Variants in RAB22A observed in about 807,000 individuals in gnomAD.
The protein encoded by RAB22A is ras-related protein Rab-22A.
A neutral mutation model predicts 30.2 loss-of-function variants in RAB22A; 13 were observed. That is an observed-to-expected ratio of 0.43 (90% confidence interval 0.28 to 0.68). The LOEUF (loss-of-function observed/expected upper bound fraction) is 0.68. RAB22A is among the 30% of genes least tolerant of loss of function. The pLI is 0.18. For synonymous variants in RAB22A, 89 were observed against 87.2 expected, an observed-to-expected ratio of 1.02 and a Z score of -0.11; for missense variants, 177 against 246.8, an observed-to-expected ratio of 0.72 and a Z score of 1.89.
chr20:58,352,476 C>G (rs1987068550), intron 3 of RAB22A, among the ~76,000 whole-genome samples: 1 of 152,168 alleles, frequency 6.6e-6, no homozygotes, highest in South Asian at 2.1e-4. Context: ...GACATCATAT[C>G]CAGTTGGTGA....
At position 58,365,034 on chromosome 20, in the gene RAB22A, C is replaced by A. The variant is rs1987291437; in HGVS notation, c.*5331C>A. On this transcript the variant is annotated 3_prime_UTR_variant, in exon 7 of 7. Transcript: ENST00000244040. ...ACAGACGTGAGCCACCGCGCCCAAC[C>A]AGTAACGATTTTTTTAAAGGGCCTT... 6.6e-6 allele frequency: 1 copy of A among 152,176 alleles called. No individual in the cohort carries two copies. Among genetic ancestry groups the A allele is most frequent in the South Asian group, 2.1e-4 (1 of 4,826 alleles). 9.4% of individuals were successfully genotyped at this position (152,176 alleles called of 1,614,324 possible).
intron 6 of RAB22A, among the ~76,000 whole-genome samples, chr20:58,356,866 G>A (rs548022373): frequency 2.1e-4 from 32 of 152,252 alleles, no homozygotes; most frequent in Admixed American, 1.4e-3. Context: ...CGAGTTGTGC[G>A]GGTAAGGGGG....
At chr20:58,353,389 G>C in intron 4 of RAB22A, 43 bp from the exon 5 acceptor site, 1 of 1,608,208 alleles carries the variant, frequency 6.2e-7, no homozygotes, top group South Asian at 1.1e-5. Context: ...AAACTCTTTT[G>C]GTTGCTTAGA....
rs752786724 is a variant in RAB22A at position 58,359,628 on chromosome 20, C to T, written c.510C>T (p.Asp170=). 6.7e-5 allele frequency: 108 copies of T among 1,611,018 alleles called. No individual in the cohort carries two copies. In the South Asian group the frequency reaches 8.5e-4, roughly 13 times the overall value. The part of the protein sequence containing the change: ...IEISRRIPST[D]ANLPSGGKGF... ...TAGGTCGAAGAATTCCATCCACTGA[C>T]GCCAACCTGCCATCTGGCGGTAAGG... Residue 170 remains aspartate (D), a synonymous_variant, in exon 7 of 7, where the codon GAC becomes GAT. Transcript: ENST00000244040.
chr20:58,319,495 C>T (rs764068227), intron 2 of RAB22A, among the ~76,000 whole-genome samples: 4 of 152,176 alleles, frequency 2.6e-5, no homozygotes, highest in South Asian at 2.1e-4. Flanking sequence ...TAGTGTATGT[C>T]ATCTAATTCT....
At chr20:58,337,071 A>G (rs1986769522) in intron 2 of RAB22A, among the ~76,000 whole-genome samples, 1 of 152,144 alleles carries the variant, frequency 6.6e-6, no homozygotes. Flanking sequence ...TTCCTGATGC[A>G]TTTGTTTCCT....
At chr20:58,311,527 C>A (rs565027) in intron 2 of RAB22A, among the ~76,000 whole-genome samples, 2 of 152,092 alleles carry the variant, frequency 1.3e-5, no homozygotes, top group Admixed American at 6.5e-5. Flanking sequence ...GAGATCTGAA[C>A]CCTTACACAT....
At chr20:58,325,551 A>G (rs915236604) in intron 2 of RAB22A, among the ~76,000 whole-genome samples, 1 of 151,904 alleles carries the variant, frequency 6.6e-6, no homozygotes, top group Admixed American at 6.6e-5. Flanking sequence ...TTTCATCATC[A>G]TTCAGTTCAG....
chr20:58,341,477 G>A (rs1191735044), intron 2 of RAB22A, among the ~76,000 whole-genome samples: 1 of 152,088 alleles, frequency 6.6e-6, no homozygotes, highest in East Asian at 1.9e-4. Flanking sequence ...TGGTGGTGTG[G>A]GCAAGTGATG....
At chr20:58,331,944 A>G (rs1986668337) in intron 2 of RAB22A, among the ~76,000 whole-genome samples, 1 of 152,180 alleles carries the variant, frequency 6.6e-6, no homozygotes, top group South Asian at 2.1e-4. Context: ...ATCCCCAAGT[A>G]CCTTGTTCTG....
chr20:58,322,173 G>A (rs560763574), intron 2 of RAB22A, among the ~76,000 whole-genome samples: 80 of 152,132 alleles, frequency 5.3e-4, no homozygotes, highest in Non-Finnish European at 8.8e-4. Context: ...TAAGAGTGCC[G>A]TTCTGAATTC....
intron 2 of RAB22A, among the ~76,000 whole-genome samples, chr20:58,330,869 C>T (rs1156824165): frequency 6.6e-6 from 1 of 152,222 alleles, no homozygotes; most frequent in Non-Finnish European, 1.5e-5. Flanking sequence ...GTCCATTGGA[C>T]TCCTTGGCAT....
chr20:58,319,521 G>A (rs1986411671), intron 2 of RAB22A, among the ~76,000 whole-genome samples: 1 of 152,166 alleles, frequency 6.6e-6, no homozygotes, highest in Non-Finnish European at 1.5e-5. Flanking sequence ...TGTTTTTCAT[G>A]TCTGGCTCCT....
intron 2 of RAB22A, among the ~76,000 whole-genome samples, chr20:58,334,041 T>G (rs1197437731): frequency 6.6e-6 from 1 of 151,466 alleles, no homozygotes; most frequent in Non-Finnish European, 1.5e-5. Context: ...AAAAAAAAAT[T>G]TTTTTTTGGC....
At chr20:58,353,565 A>G (rs1165639166) in intron 5 of RAB22A, 27 bp downstream of exon 5, 6 of 1,481,412 alleles carry the variant, frequency 4.1e-6, no homozygotes, top group Non-Finnish European at 5.7e-6. Context: ...AGAGATTACA[A>G]TACCTATTAT....
At chr20:58,334,200 T>G (rs903492558) in intron 2 of RAB22A, among the ~76,000 whole-genome samples, 3 of 152,000 alleles carry the variant, frequency 2.0e-5, no homozygotes, top group African/African-American at 7.3e-5. Flanking sequence ...CTGGGTGTGG[T>G]GGCGGGTGCC....
At chr20:58,322,185 A>G (rs539606423) in intron 2 of RAB22A, among the ~76,000 whole-genome samples, 6 of 152,284 alleles carry the variant, frequency 3.9e-5, no homozygotes, top group African/African-American at 1.4e-4. Flanking sequence ...TCTGAATTCT[A>G]CTTGGTCTGA....
intron 1 of RAB22A, 90 bp downstream of exon 1, chr20:58,310,102 C>G: frequency 8.5e-7 from 1 of 1,180,654 alleles, no homozygotes; most frequent in Non-Finnish European, 1.1e-6. Flanking sequence ...CCCTTCCCCC[C>G]TCCCACGTCC....
At chr20:58,350,965 A>G (rs1987038465) in intron 3 of RAB22A, among the ~76,000 whole-genome samples, 1 of 152,244 alleles carries the variant, frequency 6.6e-6, no homozygotes, top group African/African-American at 2.4e-5. Flanking sequence ...AAAGAATGGT[A>G]GGATAACAAG....
Sources: gnomAD v4.1 joint callset for allele counts (sites outside exome capture counted in the v4.1 genomes callset) on GRCh38, gnomAD v4.1.1 for gene constraint, MANE v1.5 for transcripts, NCBI Gene and HGNC (gene_info 2026-07-23, HGNC 2026-07-21) for gene names.